The following STAT3 variants were observed in gnomAD, a reference collection of about 807,000 sequenced individuals.
STAT3 encodes signal transducer and activator of transcription 3.
In STAT3, 7 loss-of-function variants were observed where a neutral mutation model predicts 114.3. The observed-to-expected ratio is 0.06, with a 90% CI of 0.03 to 0.11. The LOEUF is 0.11. Among genes scored for constraint, STAT3 ranks in the 10% least tolerant of loss-of-function variants. The pLI, the probability that STAT3 is intolerant of heterozygous loss-of-function variation, is 1.00. For missense variants in STAT3, 364 were observed against 960.9 expected, an observed-to-expected ratio of 0.38 and a Z score of 8.21; for synonymous variants, 331 against 354.5, an observed-to-expected ratio of 0.93 and a Z score of 0.74.
At chr17:42,344,963 C>G (rs1420315619) in intron 4 of STAT3, among the ~76,000 whole-genome samples, 1 of 151,794 alleles carries the variant, frequency 6.6e-6, no homozygotes, top group African/African-American at 2.4e-5. Flanking sequence ...ATAATCTGTA[C>G]TATGAAAGTT....
intron 1 of STAT3, 26 bp downstream of exon 1, chr17:42,388,253 A>G (rs2085223165): frequency 1.4e-5 from 17 of 1,231,280 alleles, no homozygotes; most frequent in Non-Finnish European, 1.7e-5. Context: ...GGCCTCCCCA[A>G]CGGCCCCACC....
Position 42,314,947 on chromosome 17 carries a change from G to A in STAT3, c.*798C>T, listed in dbSNP as rs577565516. 1.8e-3 allele frequency: 305 copies of A among 168,936 alleles called. 3 individuals carry two copies. The highest frequency in any genetic ancestry group is 7.1e-3 in the African/African-American group (285 of 39,944). 10.5% of individuals were successfully genotyped at this position (168,936 alleles called of 1,614,324 possible). ...GCAATTTTGGCTCACTGCAACCTCC[G>A]CCTCTCAGGTTCAAGCGATTCTCCT... On this transcript the variant is annotated 3_prime_UTR_variant, in exon 24 of 24. Transcript: ENST00000264657.
intron 14 of STAT3, among the ~76,000 whole-genome samples, chr17:42,328,503 G>A (rs8077296): frequency 0.21 from 31,282 of 152,144 alleles, 3,531 homozygotes; most frequent in East Asian, 0.36. Flanking sequence ...CACCTCTCAG[G>A]TTCAAGCGAT....
chr17:42,341,949 C>A (rs1273103714), intron 4 of STAT3, among the ~76,000 whole-genome samples: 2 of 152,046 alleles, frequency 1.3e-5, no homozygotes, highest in Non-Finnish European at 2.9e-5. Flanking sequence ...TGAAAACATC[C>A]TTGGGATAAC....
At chr17:42,321,521 C>A (rs1043393071) in intron 21 of STAT3, among the ~76,000 whole-genome samples, 2 of 152,138 alleles carry the variant, frequency 1.3e-5, no homozygotes, top group Non-Finnish European at 2.9e-5. Context: ...TAATCCCTTG[C>A]CCCTCCACCC....
chr17:42,325,982 A>C (rs373974112), intron 15 of STAT3, 134 bp downstream of exon 15: 111 of 866,112 alleles, frequency 1.3e-4, no homozygotes, highest in African/African-American at 7.8e-4. Flanking sequence ...TTTTTGGAGA[A>C]AAGTAAGCAA....
intron 1 of STAT3, among the ~76,000 whole-genome samples, chr17:42,382,165 T>C (rs916090122): frequency 6.6e-5 from 10 of 152,188 alleles, no homozygotes; most frequent in African/African-American, 2.4e-4. Context: ...ATTCAGGTGT[T>C]CCCATCTGAT....
At chr17:42,350,582 T>A (rs2082899801) in intron 1 of STAT3, among the ~76,000 whole-genome samples, 1 of 152,144 alleles carries the variant, frequency 6.6e-6, no homozygotes, top group African/African-American at 2.4e-5. Context: ...CTACCACGCC[T>A]GGCCTGGGAT....
In STAT3 at chr17:42,371,855, C is replaced by T. The variant is rs974320054; in HGVS notation, c.-24+16424G>A. On this transcript the variant is annotated intron_variant, in intron 1 of 23. Transcript: ENST00000264657. Reference sequence around the variant, plus strand: ...AAAATTAGCAGAACATGGTGGCGTGCACCTGTAATCCCAGCTACTTGGGAG... The same window carrying T: ...AAAATTAGCAGAACATGGTGGCGTGTACCTGTAATCCCAGCTACTTGGGAG... Among the ~76,000 whole-genome samples the T allele has an allele frequency of 2.6e-5, 4 of 151,402 alleles. No individual in the cohort carries two copies. The East Asian group carries it at 5.8e-4, about 22-fold the overall frequency.
chr17:42,345,905 A>C (rs777651973), intron 3 of STAT3, among the ~76,000 whole-genome samples: 22 of 135,928 alleles, frequency 1.6e-4, no homozygotes, highest in Non-Finnish European at 2.8e-4. Context: ...ACTGGCTCTC[A>C]CTCTGTCCGC....
chr17:42,329,681 G>A lies in STAT3; in HGVS notation c.1140-34C>T, dbSNP rs759959357. 1.1e-5 allele frequency: 18 copies of A among 1,613,774 alleles called. No homozygotes were observed. In the South Asian group the frequency reaches 1.6e-4, roughly 15 times the overall value. Reference sequence around the variant, plus strand: ...CAGGGGAACAATCAACTATGTAGGTGACCAAGTAGCCGGAGGATGAAGTTA... The same window carrying A: ...CAGGGGAACAATCAACTATGTAGGTAACCAAGTAGCCGGAGGATGAAGTTA... On this transcript the variant is annotated intron_variant, in intron 12 of 23. Coordinates refer to ENST00000264657, the MANE Select transcript of STAT3 (RefSeq NM_139276.3).
intron 21 of STAT3, chr17:42,317,436 T>G: frequency 1.6e-6 from 1 of 641,018 alleles, no homozygotes; most frequent in Admixed American, 2.4e-5. Flanking sequence ...ACTTCAGTTC[T>G]TTGCACAAAG....
chr17:42,370,049 G>A (rs1376829077), intron 1 of STAT3, among the ~76,000 whole-genome samples: 3 of 151,956 alleles, frequency 2.0e-5, no homozygotes, highest in Non-Finnish European at 4.4e-5. Context: ...TCGGTTCACT[G>A]TAACCTCCAC....
At chr17:42,340,913 C>T (rs2082418481) in intron 4 of STAT3, among the ~76,000 whole-genome samples, 1 of 152,130 alleles carries the variant, frequency 6.6e-6, no homozygotes, top group Non-Finnish European at 1.5e-5. Flanking sequence ...GTCTAGAGGC[C>T]TATCCCTCTG....
intron 21 of STAT3, among the ~76,000 whole-genome samples, chr17:42,320,779 T>C (rs1233716875): frequency 7.1e-6 from 1 of 141,548 alleles, no homozygotes; most frequent in East Asian, 2.1e-4. Flanking sequence ...TTACAGAAAG[T>C]TAAATCAAAC....
intron 1 of STAT3, among the ~76,000 whole-genome samples, chr17:42,355,518 A>T (rs910030004): frequency 6.6e-6 from 1 of 152,198 alleles, no homozygotes; most frequent in Non-Finnish European, 1.5e-5. Flanking sequence ...TGCACTGTAC[A>T]AAGGCAAGGT....
chr17:42,331,915 G>A (rs1344051804), intron 10 of STAT3, among the ~76,000 whole-genome samples: 4 of 151,810 alleles, frequency 2.6e-5, no homozygotes, highest in Non-Finnish European at 5.9e-5. Flanking sequence ...ATGACAGAGC[G>A]AGATCCTATC....
intron 13 of STAT3, 35 bp from the exon 14 acceptor site, chr17:42,329,492 G>T: frequency 6.2e-7 from 1 of 1,614,192 alleles, no homozygotes; most frequent in Non-Finnish European, 8.5e-7. Flanking sequence ...GTCCTGTGAG[G>T]CTCTCCCTAG....
rs555463281 is a variant in STAT3 at position 42,335,777 on chromosome 17, C to T, written c.797+1658G>A. Among the ~76,000 whole-genome samples, 3 of 152,204 alleles carry T rather than the reference C, an allele frequency of 2.0e-5. No individual in the cohort carries two copies. The East Asian group carries it at 5.8e-4, about 29-fold the overall frequency. On this transcript the variant is annotated intron_variant, in intron 8 of 23. Coordinates refer to ENST00000264657, the MANE Select transcript of STAT3 (RefSeq NM_139276.3). ...TACTTGGAAGGTTGTGACTAAGAAT[C>T]GCTTGAACCTGGGAGGAGGAGGTTG...
Sources: allele counts gnomAD v4.1 joint callset (sites outside exome capture counted in the v4.1 genomes callset), GRCh38; gene constraint gnomAD v4.1.1; transcripts MANE v1.5; gene names NCBI Gene and HGNC (gene_info 2026-07-23, HGNC 2026-07-21).